ARHGAP17: variants seen among roughly 807,000 people sequenced by gnomAD.
ARHGAP17 encodes the protein rho GTPase-activating protein 17.
A neutral mutation model predicts 99.5 loss-of-function variants in ARHGAP17; 57 were observed. That is an observed-to-expected ratio of 0.57 (90% CI 0.46 to 0.71). The LOEUF is 0.71. Ranked by LOEUF, ARHGAP17 falls within the 30% of genes least tolerant of loss-of-function variation. The pLI, the probability that ARHGAP17 is intolerant of heterozygous loss-of-function variation, is 0.00. For synonymous variants in ARHGAP17, 417 were observed against 429.6 expected, an observed-to-expected ratio of 0.97 and a Z score of 0.36; for missense variants, 1,000 against 1,122.4, an observed-to-expected ratio of 0.89 and a Z score of 1.56.
intron 1 of ARHGAP17, among the ~76,000 whole-genome samples, chr16:24,992,461 G>A (rs377003846): frequency 2.0e-5 from 3 of 151,756 alleles, no homozygotes; most frequent in African/African-American, 4.8e-5. Context: ...TCAGCCTCCC[G>A]AGTAGCTGGG....
At chr16:24,964,165 G>T in intron 7 of ARHGAP17, 32 bp downstream of exon 7, 2 of 1,452,220 alleles carry the variant, frequency 1.4e-6, no homozygotes, top group Non-Finnish European at 1.9e-6. Context: ...TGCAAAAACC[G>T]AAAAGATACA....
At chr16:24,925,195 A>G (rs2050809315) in intron 19 of ARHGAP17, among the ~76,000 whole-genome samples, 1 of 152,150 alleles carries the variant, frequency 6.6e-6, no homozygotes, top group Non-Finnish European at 1.5e-5. Flanking sequence ...CCTGGCCAAT[A>G]TGGCAAAACC....
intron 17 of ARHGAP17, among the ~76,000 whole-genome samples, chr16:24,939,094 A>G (rs1267310851): frequency 2.0e-5 from 3 of 152,260 alleles, no homozygotes; most frequent in Non-Finnish European, 2.9e-5. Flanking sequence ...GGCTCATCAC[A>G]CTATGAGACA....
At chr16:24,942,593 C>T (rs1482204704) in intron 15 of ARHGAP17, among the ~76,000 whole-genome samples, 2 of 151,890 alleles carry the variant, frequency 1.3e-5, no homozygotes, top group East Asian at 1.9e-4. Context: ...AACGTGAAAC[C>T]CCGTCTCTAC....
intron 7 of ARHGAP17, among the ~76,000 whole-genome samples, chr16:24,963,141 G>A (rs9933863): frequency 6.6e-6 from 1 of 152,214 alleles, no homozygotes; most frequent in East Asian, 1.9e-4. Flanking sequence ...AAGACTGCTG[G>A]GTAAATGACA....
intron 12 of ARHGAP17, among the ~76,000 whole-genome samples, chr16:24,950,884 G>A (rs1463411802): frequency 6.7e-6 from 1 of 148,716 alleles, no homozygotes; most frequent in Non-Finnish European, 1.5e-5. Flanking sequence ...GCAAAACCTG[G>A]TTAAAGACAC....
intron 18 of ARHGAP17, among the ~76,000 whole-genome samples, chr16:24,935,150 G>T (rs537535883): frequency 2.0e-5 from 3 of 152,286 alleles, no homozygotes; most frequent in South Asian, 2.1e-4. Flanking sequence ...GACCCACAAA[G>T]CTGAGAAGTA....
At chr16:24,996,711 A>G (rs2053203202) in intron 1 of ARHGAP17, among the ~76,000 whole-genome samples, 2 of 152,310 alleles carry the variant, frequency 1.3e-5, no homozygotes, top group African/African-American at 4.8e-5. Context: ...CTTTCCCGTA[A>G]AAATGGAGAT....
intron 16 of ARHGAP17, 128 bp from the exon 17 acceptor site, chr16:24,939,725 G>A (rs140540414): frequency 3.9e-5 from 40 of 1,020,946 alleles, no homozygotes; most frequent in Middle Eastern, 2.0e-4. Context: ...GCAGTGAAGC[G>A]GCAAGGACCA....
chr16:24,960,241 T>C (rs1280727960), intron 7 of ARHGAP17, among the ~76,000 whole-genome samples: 3 of 152,154 alleles, frequency 2.0e-5, no homozygotes, highest in Non-Finnish European at 4.4e-5. Context: ...TATTAACATC[T>C]GGGTTAAAAA....
chr16:24,998,540 G>A (rs2053266587), intron 1 of ARHGAP17, among the ~76,000 whole-genome samples: 1 of 152,182 alleles, frequency 6.6e-6, no homozygotes, highest in Admixed American at 6.5e-5. Context: ...CAAGGAGAGA[G>A]GGTGGGTGTC....
At chr16:24,962,160 C>A (rs1019081170) in intron 7 of ARHGAP17, among the ~76,000 whole-genome samples, 1 of 151,036 alleles carries the variant, frequency 6.6e-6, no homozygotes, top group African/African-American at 2.4e-5. Flanking sequence ...CACACACACA[C>A]AAAGAGAGAA....
At chr16:24,925,080 G>A (rs1811782253) in intron 19 of ARHGAP17, among the ~76,000 whole-genome samples, 1 of 151,848 alleles carries the variant, frequency 6.6e-6, no homozygotes, top group Admixed American at 6.6e-5. Flanking sequence ...AAATGTTAGG[G>A]TGATTAAGAA....
chr16:24,933,780 C>T (rs926906623), intron 18 of ARHGAP17, among the ~76,000 whole-genome samples: 3 of 151,674 alleles, frequency 2.0e-5, no homozygotes, highest in Admixed American at 6.6e-5. Context: ...GAGGCCTTGT[C>T]TGAGACCACC....
At chr16:24,993,588 CA>C (rs74798570) in intron 1 of ARHGAP17, among the ~76,000 whole-genome samples, 44,541 of 113,482 alleles carry the variant, frequency 0.39, 6,674 homozygotes, top group East Asian at 0.54. Flanking sequence ...GACTCTGTCT[CA>C]AAAAAAAAAA....
In ARHGAP17 at chr16:24,935,485, G is replaced by A. The variant is rs776292267; in HGVS notation, c.1879C>T (p.His627Tyr). The A allele has an allele frequency of 6.2e-6, 10 of 1,603,630 alleles. No homozygotes were observed. The highest frequency in any genetic ancestry group is 2.7e-5 in the African/African-American group (2 of 74,834). The stretch of plus-strand genomic sequence containing the variant: ...GGCTGCTTACCTCGGCGCAGTGTAT[G>A]CGGGCTGGGCCCTGCAGCATTGTGA... ...QPHNAAGPSP[H>Y]TLRRAVKKPA... Residue 627 changes from histidine to tyrosine, a missense_variant, in exon 18 of 20, where the codon CAT (histidine) becomes TAT (tyrosine). His to Tyr is a moderately conservative substitution (Grantham distance 83, BLOSUM62 2). Transcript: ENST00000289968.
intron 19 of ARHGAP17, among the ~76,000 whole-genome samples, chr16:24,923,389 C>T (rs182222068): frequency 1.4e-4 from 21 of 152,240 alleles, no homozygotes; most frequent in South Asian, 2.1e-4. Flanking sequence ...GCTATGAACT[C>T]GTATATTAAC....
At chr16:24,990,771 CTT>C (rs11371621) in intron 1 of ARHGAP17, among the ~76,000 whole-genome samples, 78 of 135,154 alleles carry the variant, frequency 5.8e-4, no homozygotes, top group Admixed American at 7.5e-4. Flanking sequence ...TGGGGCTTGG[CTT>C]TTTTTTTTTT....
At chr16:24,978,865 T>G (rs955619460) in intron 2 of ARHGAP17, 101 bp downstream of exon 2, 1 of 729,588 alleles carries the variant, frequency 1.4e-6, no homozygotes, top group Non-Finnish European at 2.0e-6. Context: ...CTGTTTCTGG[T>G]TAAAAAAAAA....
Sources: allele counts gnomAD v4.1 joint callset (sites outside exome capture counted in the v4.1 genomes callset), GRCh38; gene constraint gnomAD v4.1.1; transcripts MANE v1.5; gene names NCBI Gene and HGNC (gene_info 2026-07-23, HGNC 2026-07-21).